Variants in WDR72 observed in about 807,000 individuals in gnomAD.
WDR72 encodes WD repeat-containing protein 72.
In WDR72, 120 loss-of-function variants were observed where a neutral mutation model predicts 124.2. The ratio of observed to expected loss-of-function variants is 0.97; its 90% CI spans 0.83 to 1.12. WDR72 has a LOEUF of 1.12. Ranked by LOEUF, WDR72 falls within the 50% of genes most tolerant of loss-of-function variation. WDR72 has a pLI of 0.00. For synonymous variants in WDR72, 452 were observed against 441.7 expected (o/e 1.02, Z -0.29); for missense variants, 1,387 against 1,278.8 (o/e 1.08, Z -1.29).
chr15:53,645,121 G>A (rs1186693406), intron 14 of WDR72, among the ~76,000 whole-genome samples: 1 of 152,086 alleles, frequency 6.6e-6, no homozygotes, highest in Non-Finnish European at 1.5e-5. Flanking sequence ...TTAGCGAACT[G>A]TATCTAACTA....
At chr15:53,594,187 A>C (rs935705344) in intron 18 of WDR72, among the ~76,000 whole-genome samples, 2 of 152,064 alleles carry the variant, frequency 1.3e-5, no homozygotes, top group African/African-American at 4.8e-5. Flanking sequence ...AATCCTAATA[A>C]ATCAAATATA....
intron 18 of WDR72, among the ~76,000 whole-genome samples, chr15:53,527,305 G>A (rs12916758): frequency 6.6e-6 from 1 of 151,974 alleles, no homozygotes; most frequent in Non-Finnish European, 1.5e-5. Context: ...TAAAAATTCC[G>A]TTCTTCCTTT....
At position 53,515,617 on chromosome 15, in the gene WDR72, G is replaced by A. The variant is rs1891416949; in HGVS notation, c.*2082C>T. ...AAAAGCAAACCTTAGTCATTTAACA[G>A]GAATGTTTAAATTTTAGAGATTCTA... On this transcript the variant is annotated 3_prime_UTR_variant, in exon 20 of 20. Coordinates refer to ENST00000360509, the MANE Select transcript of WDR72 (RefSeq NM_182758.4). 6.6e-6 allele frequency: 1 copy of A among 152,100 alleles called. No homozygotes were observed. Among genetic ancestry groups the A allele is most frequent in the South Asian group, 2.1e-4 (1 of 4,820 alleles). 9.4% of individuals were successfully genotyped at this position (152,100 alleles called of 1,614,324 possible).
intron 7 of WDR72, among the ~76,000 whole-genome samples, chr15:53,712,294 A>T (rs2017562128): frequency 6.6e-6 from 1 of 152,154 alleles, no homozygotes; most frequent in Admixed American, 6.5e-5. Flanking sequence ...TATTAATTAG[A>T]GAGTTAAAAA....
intron 13 of WDR72, among the ~76,000 whole-genome samples, chr15:53,677,230 T>G (rs1055444062): frequency 6.6e-6 from 1 of 152,190 alleles, no homozygotes; most frequent in Admixed American, 6.5e-5. Flanking sequence ...AATTCTTGCT[T>G]CTTAAACATA....
At chr15:53,557,493 C>T (rs7169397) in intron 18 of WDR72, among the ~76,000 whole-genome samples, 129,922 of 152,038 alleles carry the variant, frequency 0.85, 55,579 homozygotes, top group South Asian at 0.91. Context: ...GCTTGGAAGG[C>T]GATGTTCAGA....
chr15:53,718,315 T>C (rs2017771682), intron 3 of WDR72, among the ~76,000 whole-genome samples: 1 of 152,168 alleles, frequency 6.6e-6, no homozygotes, highest in African/African-American at 2.4e-5. Context: ...TTTTAAAAAA[T>C]ACTGATGGCT....
chr15:53,732,466 G>C (rs2018229595), intron 2 of WDR72, among the ~76,000 whole-genome samples: 1 of 152,142 alleles, frequency 6.6e-6, no homozygotes. Flanking sequence ...CCTAGGTGAG[G>C]TCAGGTTCTG....
At chr15:53,710,828 T>C (rs892568301) in intron 9 of WDR72, 29 bp downstream of exon 9, 66 of 1,538,512 alleles carry the variant, frequency 4.3e-5, no homozygotes, top group Non-Finnish European at 5.8e-5. Flanking sequence ...TGAAACAGCT[T>C]TGAGGCAGTC....
intron 13 of WDR72, among the ~76,000 whole-genome samples, chr15:53,688,613 A>G (rs1234052803): frequency 1.3e-5 from 2 of 152,232 alleles, no homozygotes; most frequent in Non-Finnish European, 2.9e-5. Context: ...AGGAAGAATC[A>G]ATATCGTGAA....
intron 14 of WDR72, among the ~76,000 whole-genome samples, chr15:53,634,893 G>C (rs1296765941): frequency 1.3e-5 from 2 of 152,210 alleles, no homozygotes; most frequent in African/African-American, 4.8e-5. Context: ...AGCAAAGGTA[G>C]TAGTGCAAGA....
At chr15:53,594,592 C>G (rs1036278487) in intron 18 of WDR72, among the ~76,000 whole-genome samples, 6 of 147,736 alleles carry the variant, frequency 4.1e-5, no homozygotes, top group South Asian at 2.1e-4. Context: ...GCCTGGGCAA[C>G]ATGTTGACAT....
chr15:53,587,389 CCA>C (rs1020010972), intron 18 of WDR72, among the ~76,000 whole-genome samples: 7 of 151,944 alleles, frequency 4.6e-5, no homozygotes, highest in Non-Finnish European at 8.8e-5. Flanking sequence ...GACAGAATCA[CCA>C]CACACACAGA....
Position 53,541,580 on chromosome 15 carries a change from G to C in WDR72, c.3149-18258C>G, listed in dbSNP as rs1893139436. 2.6e-5 allele frequency among the ~76,000 whole-genome samples: 4 copies of C among 152,034 alleles called. No individual in the cohort carries two copies. The South Asian group carries it at 8.4e-4, about 32-fold the overall frequency. On this transcript the variant is annotated intron_variant, in intron 18 of 19. Coordinates refer to ENST00000360509, the MANE Select transcript of WDR72 (RefSeq NM_182758.4). ...GAAAAACTGGATACTCTAAAACGCA[G>C]AGCGCCTCTCCTCCTCCAAAGGAAC...
In WDR72 at chr15:53,750,644, T is replaced by C. The variant is rs534192544; in HGVS notation, c.-13+8989A>G. 3.9e-5 allele frequency among the ~76,000 whole-genome samples: 6 copies of C among 152,288 alleles called. No homozygotes were observed. The South Asian group carries it at 1.0e-3, about 26-fold the overall frequency. On this transcript the variant is annotated intron_variant, in intron 1 of 19. Coordinates refer to ENST00000360509, the MANE Select transcript of WDR72 (RefSeq NM_182758.4). ...TGGACAAAGTCAATTGAAAACTTTCTGGAAAAGGTTCACCACTTTAGGTGC... is the reference window on the plus strand; with the variant it reads ...TGGACAAAGTCAATTGAAAACTTTCCGGAAAAGGTTCACCACTTTAGGTGC...
intron 19 of WDR72, among the ~76,000 whole-genome samples, chr15:53,522,039 A>C (rs1037997877): frequency 1.3e-5 from 2 of 151,998 alleles, no homozygotes; most frequent in African/African-American, 4.8e-5. Context: ...TGAAAGCAGA[A>C]GTGTGGTTGA....
chr15:53,528,919 C>T (rs1186615775), intron 18 of WDR72, among the ~76,000 whole-genome samples: 1 of 151,868 alleles, frequency 6.6e-6, no homozygotes, highest in East Asian at 1.9e-4. Context: ...GCAGATACTG[C>T]ACTTCCAGCC....
chr15:53,537,920 G>T (rs1451162836), intron 18 of WDR72, among the ~76,000 whole-genome samples: 1 of 152,002 alleles, frequency 6.6e-6, no homozygotes, highest in Non-Finnish European at 1.5e-5. Context: ...TATTTTACCA[G>T]TTTAAAGAGG....
chr15:53,596,288 T>C (rs2012769277), intron 18 of WDR72, among the ~76,000 whole-genome samples: 1 of 152,150 alleles, frequency 6.6e-6, no homozygotes, highest in African/African-American at 2.4e-5. Context: ...AAGTTGAAAA[T>C]TAAAGTTGTA....
Sources: allele counts gnomAD v4.1 joint callset (sites outside exome capture counted in the v4.1 genomes callset), GRCh38; gene constraint gnomAD v4.1.1; transcripts MANE v1.5; gene names NCBI Gene and HGNC (gene_info 2026-07-23, HGNC 2026-07-21).